Variants in DOCK2 observed in about 807,000 individuals in gnomAD.
DOCK2 encodes the protein dedicator of cytokinesis protein 2.
In DOCK2, 87 loss-of-function variants were observed where a neutral mutation model predicts 248.9. The ratio of observed to expected loss-of-function variants is 0.35; its 90% CI spans 0.29 to 0.42. DOCK2 has a LOEUF of 0.42. DOCK2 is among the 10% of genes least tolerant of loss of function. The probability of loss-of-function intolerance (pLI) is 1.00; values close to 1 mark genes in which losing one functional copy is unlikely to be tolerated. For synonymous variants in DOCK2, 805 were observed against 821.6 expected (o/e 0.98, Z 0.35); for missense variants, 1,747 against 2,300.2 (o/e 0.76, Z 4.92).
Position 169,695,860 on chromosome 5 carries a change from C to A in DOCK2, c.901C>A (p.Arg301=). The change falls in exon 10 of 52, where the codon CGG becomes AGG. Residue 301 remains arginine (R), a synonymous_variant. Transcript: ENST00000520908. Reference sequence around the variant, plus strand: ...AATTTACTTGATTTGTCAAATAGTCCGGGTCGGCAAGATGGATCTTAAGGA... The same window carrying A: ...AATTTACTTGATTTGTCAAATAGTCAGGGTCGGCAAGATGGATCTTAAGGA... The part of the protein sequence containing the change: ...DKIYLICQIV[R]VGKMDLKDTG... The A allele has an allele frequency of 6.2e-7, 1 of 1,613,758 alleles. No homozygotes were observed. The highest frequency in any genetic ancestry group is 1.1e-5 in the South Asian group (1 of 91,026).
At chr5:169,839,842 A>G (rs942053006) in intron 26 of DOCK2, among the ~76,000 whole-genome samples, 1 of 152,076 alleles carries the variant, frequency 6.6e-6, no homozygotes, top group Non-Finnish European at 1.5e-5. Context: ...CCAGCCTCCA[A>G]GTGACAGTGG....
At chr5:169,712,084 T>A (rs1761621756) in intron 16 of DOCK2, 36 bp from the exon 17 acceptor site, 3 of 1,613,782 alleles carry the variant, frequency 1.9e-6, no homozygotes, top group Non-Finnish European at 2.5e-6. Context: ...GGCCCATGTA[T>A]CATTTTCTTT....
intron 22 of DOCK2, among the ~76,000 whole-genome samples, chr5:169,721,345 A>C (rs1762193589): frequency 6.6e-6 from 1 of 152,218 alleles, no homozygotes; most frequent in Non-Finnish European, 1.5e-5. Flanking sequence ...ATGTAGGCTG[A>C]CCTGCAAAGA....
chr5:170,082,788 C>A lies in DOCK2; in HGVS notation c.5431-8C>A. 6.2e-7 allele frequency: 1 copy of A among 1,614,158 alleles called. No homozygotes were observed. Among genetic ancestry groups the A allele is most frequent in the Non-Finnish European group, 8.5e-7 (1 of 1,180,024 alleles). On this transcript the variant is annotated splice_region_variant and splice_polypyrimidine_tract_variant and intron_variant, in intron 51 of 51. Coordinates refer to ENST00000520908, the MANE Select transcript of DOCK2 (RefSeq NM_004946.3). ...TCTTGGTTTTGTGCTTGTTTATTCTCTCAAAAGCTGGCCAGCAAATCGGCT... is the reference window on the plus strand; with the variant it reads ...TCTTGGTTTTGTGCTTGTTTATTCTATCAAAAGCTGGCCAGCAAATCGGCT...
chr5:169,682,713 T>C (rs1447929759), intron 7 of DOCK2, among the ~76,000 whole-genome samples: 1 of 152,242 alleles, frequency 6.6e-6, no homozygotes, highest in Non-Finnish European at 1.5e-5. Context: ...AATTACTCTT[T>C]AATGAATCGT....
intron 26 of DOCK2, among the ~76,000 whole-genome samples, chr5:169,808,911 A>T (rs1038283217): frequency 6.6e-6 from 1 of 151,628 alleles, no homozygotes; most frequent in African/African-American, 2.4e-5. Context: ...ATCTTTTTTT[A>T]AAAAAGTATT....
At chr5:169,711,530 C>A (rs1380930352) in intron 15 of DOCK2, among the ~76,000 whole-genome samples, 2 of 152,214 alleles carry the variant, frequency 1.3e-5, no homozygotes, top group South Asian at 2.1e-4. Context: ...AACCCCCTAA[C>A]AACCATTGTT....
intron 45 of DOCK2, 63 bp from the exon 46 acceptor site, chr5:170,069,072 CAA>C (rs1341222968): frequency 3.1e-4 from 456 of 1,465,726 alleles, no homozygotes; most frequent in East Asian, 1.5e-3. Flanking sequence ...CTCCCAGTGC[CAA>C]AGAGATTGGC....
Position 169,695,749 on chromosome 5 carries a change from CT to C in DOCK2, c.844-48del. ...ACTATTACTGGGTTTTCTTGTCTAC[CT>C]TTTTTCCCCCATTCAGCACATGATG... On this transcript the variant is annotated intron_variant, in intron 9 of 51. Coordinates refer to ENST00000520908, the MANE Select transcript of DOCK2 (RefSeq NM_004946.3). 6.9e-6 allele frequency: 11 copies of C among 1,601,932 alleles called. No homozygotes were observed. In the Admixed American group the frequency reaches 7.1e-5, roughly 10 times the overall value.
chr5:170,075,794 G>A (rs965084299), intron 46 of DOCK2, 153 bp from the exon 47 acceptor site: 1 of 966,842 alleles, frequency 1.0e-6, no homozygotes, highest in South Asian at 1.6e-5. Flanking sequence ...CATTTCCCAT[G>A]GCTGGGGACC....
intron 2 of DOCK2, among the ~76,000 whole-genome samples, chr5:169,657,378 G>C (rs910654671): frequency 2.0e-5 from 3 of 152,186 alleles, no homozygotes; most frequent in Admixed American, 1.3e-4. Context: ...GTAGTAGAAA[G>C]AATATGGGTG....
At chr5:170,049,018 G>C (rs1400254101) in intron 40 of DOCK2, among the ~76,000 whole-genome samples, 1 of 152,224 alleles carries the variant, frequency 6.6e-6, no homozygotes, top group Non-Finnish European at 1.5e-5. Context: ...GCAGAGAGGG[G>C]TGCAGGTTTC....
chr5:170,081,739 T>A (rs1444885950), intron 50 of DOCK2, 103 bp from the exon 51 acceptor site: 1 of 1,316,550 alleles, frequency 7.6e-7, no homozygotes, highest in African/African-American at 1.5e-5. Flanking sequence ...GTGTGATCCC[T>A]GGATGCTGGC....
intron 34 of DOCK2, among the ~76,000 whole-genome samples, chr5:170,032,592 TG>T (rs941209774): frequency 1.8e-4 from 27 of 152,044 alleles, no homozygotes; most frequent in Admixed American, 1.0e-3. Context: ...TTTGTTGCAT[TG>T]TCATTAGGGT....
intron 34 of DOCK2, among the ~76,000 whole-genome samples, chr5:170,028,952 A>G (rs556083694): frequency 1.3e-5 from 2 of 152,160 alleles, no homozygotes; most frequent in South Asian, 4.2e-4. Flanking sequence ...ATATGGATGT[A>G]CCCCATTTTG....
At chr5:169,675,537 AAG>A (rs1381276579) in intron 6 of DOCK2, among the ~76,000 whole-genome samples, 1 of 152,224 alleles carries the variant, frequency 6.6e-6, no homozygotes, top group African/African-American at 2.4e-5. Flanking sequence ...CTCAGGAAGC[AAG>A]AGTTACTTTT....
At chr5:170,049,196 C>A (rs1291926025) in intron 40 of DOCK2, among the ~76,000 whole-genome samples, 2 of 152,216 alleles carry the variant, frequency 1.3e-5, no homozygotes, top group Non-Finnish European at 2.9e-5. Flanking sequence ...CTCACTGCAA[C>A]CTCTGCCTCC....
At chr5:170,057,408 T>A in intron 43 of DOCK2, 172 bp from the exon 44 acceptor site, 1 of 674,586 alleles carries the variant, frequency 1.5e-6, no homozygotes, top group Non-Finnish European at 2.7e-6. Flanking sequence ...GGGAAAGAAT[T>A]CTTAAGGGTA....
At position 170,075,701 on chromosome 5, in the gene DOCK2, G is replaced by A. The variant is rs188331431; in HGVS notation, c.4729-246G>A. 2.9e-4 allele frequency: 129 copies of A among 442,808 alleles called. No individual in the cohort carries two copies. The East Asian group carries it at 4.9e-3, about 17-fold the overall frequency. 27.4% of individuals were successfully genotyped at this position (442,808 alleles called of 1,614,324 possible). ...CATGTGGCCTTTCATGGGGAAGAGG[G>A]GAGTCCAGCCCTCCTATGAGGCAAG... is the stretch of plus-strand genomic sequence containing the variant. On this transcript the variant is annotated intron_variant, in intron 46 of 51. Coordinates refer to ENST00000520908, the MANE Select transcript of DOCK2 (RefSeq NM_004946.3).
Sources: gnomAD v4.1 joint callset for allele counts (sites outside exome capture counted in the v4.1 genomes callset) on GRCh38, gnomAD v4.1.1 for gene constraint, MANE v1.5 for transcripts, NCBI Gene and HGNC (gene_info 2026-07-23, HGNC 2026-07-21) for gene names.